CLUL1: variants seen among roughly 807,000 people sequenced by gnomAD.
CLUL1 encodes clusterin like 1.
A neutral mutation model predicts 49.4 loss-of-function variants in CLUL1; 43 were observed. The ratio of observed to expected loss-of-function variants is 0.87; its 90% CI spans 0.68 to 1.12. The LOEUF (loss-of-function observed/expected upper bound fraction) is 1.12, where lower values mean the gene tolerates loss of function less well. Among genes scored for constraint, CLUL1 ranks in the 50% most tolerant of loss-of-function variants. CLUL1 has a pLI of 0.00. For missense variants in CLUL1, 486 were observed against 544.4 expected (o/e 0.89, Z 1.07); for synonymous variants, 192 against 184.9 (o/e 1.04, Z -0.31).
chr18:633,114 G>A (rs936753663), intron 6 of CLUL1, among the ~76,000 whole-genome samples, 184 bp from the exon 7 acceptor site: 6 of 152,126 alleles, frequency 3.9e-5, no homozygotes, highest in African/African-American at 1.2e-4. Flanking sequence ...CCAAGATCCC[G>A]CCACTGCACT....
intron 7 of CLUL1, 37 bp downstream of exon 7, chr18:633,472 A>G (rs1190431677): frequency 6.4e-7 from 1 of 1,565,472 alleles, no homozygotes; most frequent in Non-Finnish European, 8.8e-7. Flanking sequence ...TTCTACTTTA[A>G]GTTCTCAGGT....
At chr18:630,010 T>A (rs978351598) in intron 6 of CLUL1, among the ~76,000 whole-genome samples, 1 of 152,066 alleles carries the variant, frequency 6.6e-6, no homozygotes, top group Non-Finnish European at 1.5e-5. Context: ...GCCCAAAATA[T>A]CCCCACCCTA....
At chr18:610,744 G>A (rs2073110583) in intron 2 of CLUL1, among the ~76,000 whole-genome samples, 1 of 152,136 alleles carries the variant, frequency 6.6e-6, no homozygotes, top group South Asian at 2.1e-4. Context: ...CCGTAACAGA[G>A]ATGAATCCAA....
intron 4 of CLUL1, among the ~76,000 whole-genome samples, chr18:619,915 G>C (rs987821773): frequency 1.3e-5 from 2 of 151,980 alleles, no homozygotes; most frequent in Non-Finnish European, 2.9e-5. Context: ...TCACCATGCT[G>C]GCCAGGCTGG....
At chr18:611,156 C>T (rs1003215634) in intron 2 of CLUL1, among the ~76,000 whole-genome samples, 1 of 151,980 alleles carries the variant, frequency 6.6e-6, no homozygotes. Flanking sequence ...CAGGGAGAGC[C>T]CTGTGCCACC....
chr18:624,797 G>C, intron 4 of CLUL1, 68 bp from the exon 5 acceptor site: 1 of 1,476,052 alleles, frequency 6.8e-7, no homozygotes, highest in Non-Finnish European at 9.4e-7. Flanking sequence ...ATTTCAAAGG[G>C]TGAAATCAAC....
chr18:626,916 AAAG>A (rs1567966539), intron 5 of CLUL1, among the ~76,000 whole-genome samples, 178 bp from the exon 6 acceptor site: 395 of 1,524 alleles, frequency 0.26, 92 homozygotes, highest in Admixed American at 0.36. Flanking sequence ...AGAAAGAAAG[AAAG>A]AAAGAAAGAA....
intron 6 of CLUL1, among the ~76,000 whole-genome samples, chr18:628,648 T>C (rs1021203278): frequency 6.6e-6 from 1 of 150,896 alleles, no homozygotes; most frequent in Non-Finnish European, 1.5e-5. Flanking sequence ...TCTTTTTTTT[T>C]TTTTTTGAGA....
At chr18:613,768 T>A (rs944683521) in intron 2 of CLUL1, among the ~76,000 whole-genome samples, 6 of 152,200 alleles carry the variant, frequency 3.9e-5, no homozygotes, top group Non-Finnish European at 5.9e-5. Flanking sequence ...CTGAATTTTT[T>A]AAAAAGGTTA....
At chr18:622,121 T>C (rs2073506334) in intron 4 of CLUL1, among the ~76,000 whole-genome samples, 1 of 152,156 alleles carries the variant, frequency 6.6e-6, no homozygotes, top group South Asian at 2.1e-4. Flanking sequence ...AATTATGAAT[T>C]GGCAAATATG....
chr18:642,267 C>T (rs770037846), intron 8 of CLUL1, among the ~76,000 whole-genome samples: 41 of 151,962 alleles, frequency 2.7e-4, no homozygotes, highest in Non-Finnish European at 4.9e-4. Flanking sequence ...CCCGTCTCTA[C>T]CAAAAACATA....
chr18:602,754 A>T (rs1393399416), intron 1 of CLUL1, among the ~76,000 whole-genome samples: 2 of 152,226 alleles, frequency 1.3e-5, no homozygotes, highest in African/African-American at 4.8e-5. Flanking sequence ...AAGTAAATGC[A>T]TCTTGAGCTG....
In CLUL1 at chr18:638,840, A is replaced by G. The variant is rs572758290; in HGVS notation, c.995-2487A>G. Among the ~76,000 whole-genome samples, 308 of 151,486 alleles carry G rather than the reference A, an allele frequency of 2.0e-3. 5 individuals are homozygous for G. Among genetic ancestry groups the G allele is most frequent in the Admixed American group, 2.8e-3 (43 of 15,246 alleles). On this transcript the variant is annotated intron_variant, in intron 7 of 9. Coordinates refer to ENST00000692774, the MANE Select transcript of CLUL1 (RefSeq NM_001393344.1). ...GCAACTGCACTCCAGCCTAGGTGAC[A>G]GAGCGAGACTTTGTCTCAGGAAAAA...
chr18:626,919 GAAAGAAAGAAGGAAA>G (rs2073768385), intron 5 of CLUL1, among the ~76,000 whole-genome samples, 163 bp from the exon 6 acceptor site: 4 of 24,124 alleles, frequency 1.7e-4, no homozygotes, highest in African/African-American at 7.4e-4. Context: ...AAGAAAGAAA[GAAAGAAAGAAGGAAA>G]GAAGGAAAGA....
intron 6 of CLUL1, among the ~76,000 whole-genome samples, chr18:630,337 G>C (rs930089160): frequency 1.3e-5 from 2 of 152,092 alleles, no homozygotes; most frequent in Non-Finnish European, 2.9e-5. Context: ...TCGAACTTCT[G>C]ACCTCAAATG....
intron 7 of CLUL1, among the ~76,000 whole-genome samples, chr18:639,878 CT>C (rs1177711525): frequency 1.3e-5 from 2 of 152,010 alleles, no homozygotes; most frequent in African/African-American, 4.8e-5. Flanking sequence ...GGTGTTAGAG[CT>C]GGGTCAAAGA....
intron 5 of CLUL1, among the ~76,000 whole-genome samples, 199 bp from the exon 6 acceptor site, chr18:626,898 A>G (rs1369602955): frequency 2.1e-3 from 1 of 486 alleles, no homozygotes; most frequent in South Asian, 0.5. Context: ...AAAGAAAGAA[A>G]GAAAGAAAGA....
intron 6 of CLUL1, among the ~76,000 whole-genome samples, chr18:631,823 G>A (rs1483367027): frequency 6.6e-6 from 1 of 152,144 alleles, no homozygotes; most frequent in African/African-American, 2.4e-5. Flanking sequence ...GAGGCTTACA[G>A]TCTAATGGAA....
chr18:633,207 G>A (rs768224055), intron 6 of CLUL1, 91 bp from the exon 7 acceptor site: 11 of 1,030,154 alleles, frequency 1.1e-5, no homozygotes, highest in Non-Finnish European at 1.6e-5. Context: ...GATTTTGAAA[G>A]CACTGGTAAG....
Sources: gnomAD v4.1 joint callset for allele counts (sites outside exome capture counted in the v4.1 genomes callset) on GRCh38, gnomAD v4.1.1 for gene constraint, MANE v1.5 for transcripts, NCBI Gene and HGNC (gene_info 2026-07-23, HGNC 2026-07-21) for gene names.